The following TENM3 variants were observed in gnomAD, a reference collection of about 807,000 sequenced individuals.
The protein encoded by TENM3 is teneurin-3.
A neutral mutation model predicts 255.1 loss-of-function variants in TENM3; 63 were observed. The ratio of observed to expected loss-of-function variants is 0.25; its 90% CI spans 0.20 to 0.30. The LOEUF (loss-of-function observed/expected upper bound fraction) is 0.30, where lower values mean the gene tolerates loss of function less well. Ranked by LOEUF, TENM3 falls within the 10% of genes least tolerant of loss-of-function variation. The probability of loss-of-function intolerance (pLI) is 1.00; values close to 1 mark genes in which losing one functional copy is unlikely to be tolerated. For missense variants in TENM3, 2,929 were observed against 3,461.1 expected (o/e 0.85, Z 3.86); for synonymous variants, 1,306 against 1,322.3 (o/e 0.99, Z 0.27).
At chr4:182,414,701 T>C (rs550338568) in intron 3 of TENM3, among the ~76,000 whole-genome samples, 5 of 152,322 alleles carry the variant, frequency 3.3e-5, no homozygotes, top group Admixed American at 3.3e-4. Context: ...TCTAAGGAGA[T>C]GTGTGAAATA....
rs140717738 is a variant in TENM3, at chr4:182,189,027, T to C, written c.-76+44273T>C. 1.6e-3 allele frequency among the ~76,000 whole-genome samples: 238 copies of C among 152,296 alleles called. 1 individual carries two copies. The highest frequency in any genetic ancestry group is 5.5e-3 in the African/African-American group (229 of 41,566). On this transcript the variant is annotated intron_variant, in intron 1 of 2. Transcript: ENST00000512480. ...GCGGCCTTTAAAAGCTGTAAGACTT[T>C]GGGTGAATGAAAGTAAATAAGTAAA...
intron 4 of TENM3, among the ~76,000 whole-genome samples, chr4:182,627,146 GCAA>G (rs1399368671): frequency 6.6e-6 from 1 of 152,104 alleles, no homozygotes; most frequent in Non-Finnish European, 1.5e-5. Flanking sequence ...CCTTTTCTAA[GCAA>G]TAATATACAT....
intron 3 of TENM3, among the ~76,000 whole-genome samples, chr4:182,473,676 A>T (rs1439317176): frequency 4.6e-5 from 7 of 150,876 alleles, no homozygotes; most frequent in African/African-American, 4.9e-5. Context: ...TCATCTAAAA[A>T]AAAATAAAAT....
chr4:181,853,543 T>C, the TENM3 span, among the ~76,000 whole-genome samples: 144 of 152,368 alleles, frequency 9.5e-4, no homozygotes, highest in African/African-American at 3.3e-3. Context: ...CTCAGCTCAC[T>C]TTCCCTTTTG....
chr4:182,273,195 C>T lies in TENM3; in HGVS notation c.-76+29719C>T, dbSNP rs187437604. ...ACAGGTTAGGTGCTGGGCACTATGC[C>T]CTCTCAGTCGATCCCCCGACAGCCC... On this transcript the variant is annotated intron_variant, in intron 1 of 27. Transcript: ENST00000511685. 4.6e-5 allele frequency among the ~76,000 whole-genome samples: 7 copies of T among 152,242 alleles called. No individual in the cohort carries two copies. In the East Asian group the frequency reaches 1.4e-3, roughly 29 times the overall value.
chr4:182,644,606 G>C (rs1752579965), intron 5 of TENM3, among the ~76,000 whole-genome samples: 1 of 151,862 alleles, frequency 6.6e-6, no homozygotes, highest in South Asian at 2.1e-4. Flanking sequence ...AATGGTCTTT[G>C]TGTGTGAAAA....
chr4:182,497,239 G>A (rs918184685), intron 3 of TENM3, among the ~76,000 whole-genome samples: 11 of 151,854 alleles, frequency 7.2e-5, no homozygotes, highest in Non-Finnish European at 1.6e-4. Context: ...TATTTTAGTA[G>A]ACGGGGTTTC....
chr4:181,607,719 T>C, the TENM3 span, among the ~76,000 whole-genome samples: 1 of 152,138 alleles, frequency 6.6e-6, no homozygotes, highest in Non-Finnish European at 1.5e-5. Flanking sequence ...TAAATTTAAA[T>C]AGCCGCCTGT....
chr4:181,694,571 T>C, the TENM3 span, among the ~76,000 whole-genome samples: 1 of 152,310 alleles, frequency 6.6e-6, no homozygotes, highest in Non-Finnish European at 1.5e-5. Flanking sequence ...TCTTTACAGG[T>C]TGCTTTCAGT....
chr4:182,758,459 C>G (rs1762891393), intron 22 of TENM3, among the ~76,000 whole-genome samples: 1 of 152,190 alleles, frequency 6.6e-6, no homozygotes, highest in East Asian at 1.9e-4. Flanking sequence ...CAACCCCTGT[C>G]GCTACTCATC....
chr4:181,873,685 T>C, the TENM3 span, among the ~76,000 whole-genome samples: 1 of 152,112 alleles, frequency 6.6e-6, no homozygotes, highest in African/African-American at 2.4e-5. Flanking sequence ...AGATCTATCT[T>C]GGCAAATGTT....
the TENM3 span, among the ~76,000 whole-genome samples, chr4:182,050,255 A>G: frequency 6.6e-6 from 1 of 152,142 alleles, no homozygotes; most frequent in East Asian, 1.9e-4. Context: ...GGCCTCCCAA[A>G]GTATTGGGAT....
At chr4:182,221,774 C>G (rs896025) in intron 1 of TENM3, among the ~76,000 whole-genome samples, 3 of 151,958 alleles carry the variant, frequency 2.0e-5, no homozygotes, top group Non-Finnish European at 4.4e-5. Flanking sequence ...GTCATATAGA[C>G]CCAATCTACA....
At chr4:181,768,973 A>G in the TENM3 span, among the ~76,000 whole-genome samples, 1 of 152,166 alleles carries the variant, frequency 6.6e-6, no homozygotes, top group African/African-American at 2.4e-5. Context: ...AGCTTTCAAG[A>G]TAATGACCTT....
chr4:181,970,341 C>T, the TENM3 span, among the ~76,000 whole-genome samples: 1 of 152,152 alleles, frequency 6.6e-6, no homozygotes, highest in Non-Finnish European at 1.5e-5. Context: ...TATTAAAAGG[C>T]TACAGAGCAG....
At chr4:182,704,200 G>C (rs369359004) in intron 12 of TENM3, among the ~76,000 whole-genome samples, 1 of 151,958 alleles carries the variant, frequency 6.6e-6, no homozygotes, top group African/African-American at 2.4e-5. Flanking sequence ...TTACTAACAC[G>C]TGTATGTTTA....
intron 3 of TENM3, among the ~76,000 whole-genome samples, chr4:182,412,042 G>T (rs772981559): frequency 2.6e-5 from 4 of 152,138 alleles, no homozygotes; most frequent in Non-Finnish European, 4.4e-5. Flanking sequence ...CTGATCCAAC[G>T]CCTGGACCCA....
At chr4:182,794,390 T>C (rs909857562) in intron 26 of TENM3, among the ~76,000 whole-genome samples, 19 of 152,204 alleles carry the variant, frequency 1.2e-4, no homozygotes, top group Admixed American at 9.2e-4. Flanking sequence ...TTTTAATACA[T>C]GTGTGAAGTT....
the TENM3 span, among the ~76,000 whole-genome samples, chr4:182,100,772 CACATATATAT>C: frequency 1.9e-5 from 1 of 53,908 alleles, no homozygotes; most frequent in African/African-American, 7.7e-5. Context: ...CATATATATA[CACATATATAT>C]ACACATATAT....
Sources: allele counts gnomAD v4.1 joint callset (sites outside exome capture counted in the v4.1 genomes callset), GRCh38; gene constraint gnomAD v4.1.1; transcripts MANE v1.5; gene names NCBI Gene and HGNC (gene_info 2026-07-23, HGNC 2026-07-21).